Variants in TRIO observed in about 807,000 individuals in gnomAD.
TRIO encodes triple functional domain protein.
Under a neutral mutation model 351.9 loss-of-function variants are expected in TRIO, and 58 were observed. The ratio of observed to expected loss-of-function variants is 0.16; its 90% CI spans 0.13 to 0.21. TRIO has a LOEUF of 0.21. Among genes scored for constraint, TRIO ranks in the 10% least tolerant of loss-of-function variants. TRIO has a pLI of 1.00. For missense variants in TRIO, 3,201 were observed against 4,027.8 expected, an observed-to-expected ratio of 0.79 and a Z score of 5.56; for synonymous variants, 1,758 against 1,595.7, an observed-to-expected ratio of 1.10 and a Z score of -2.42.
At chr5:14,211,320 G>C (rs1376096947) in intron 1 of TRIO, among the ~76,000 whole-genome samples, 6 of 152,302 alleles carry the variant, frequency 3.9e-5, no homozygotes, top group Middle Eastern at 6.8e-3. Context: ...CTGGCAAAAT[G>C]CCTAATATGA....
chr5:14,338,949 G>C (rs1249619789), intron 11 of TRIO, among the ~76,000 whole-genome samples: 2 of 152,162 alleles, frequency 1.3e-5, no homozygotes, highest in Non-Finnish European at 1.5e-5. Context: ...TTATAGGACA[G>C]AAGACTCTTC....
At chr5:14,240,553 G>A (rs1191302994) in intron 1 of TRIO, among the ~76,000 whole-genome samples, 1 of 152,112 alleles carries the variant, frequency 6.6e-6, no homozygotes, top group Non-Finnish European at 1.5e-5. Flanking sequence ...AAACATATTT[G>A]GGATGAAATC....
intron 31 of TRIO, among the ~76,000 whole-genome samples, chr5:14,402,512 A>G (rs16899020): frequency 0.044 from 6,624 of 152,156 alleles, 479 homozygotes; most frequent in African/African-American, 0.15. Context: ...GATGGTGGGA[A>G]TGGTAGTGTA....
intron 4 of TRIO, among the ~76,000 whole-genome samples, chr5:14,290,401 C>G (rs1210390598): frequency 1.3e-5 from 2 of 152,164 alleles, no homozygotes; most frequent in East Asian, 3.8e-4. Context: ...TTTAATGTGT[C>G]TGTTATAGTG....
intron 34 of TRIO, among the ~76,000 whole-genome samples, chr5:14,451,336 A>T (rs1039376529): frequency 6.6e-6 from 1 of 152,224 alleles, no homozygotes; most frequent in Non-Finnish European, 1.5e-5. Context: ...TATTCAAAAA[A>T]AAAAAGGCCA....
Position 14,330,848 on chromosome 5 carries a change from A to T in TRIO, c.1802A>T (p.His601Leu). Residue 601 changes from histidine to leucine, a missense_variant, in exon 10 of 57, where the codon CAT becomes CTT. By Grantham distance (99) the His-to-Leu change is moderately conservative. This residue lies in a region of TRIO where 38 missense variants were observed against 93.4 expected (regional missense o/e 0.41). Transcript: ENST00000344204. ...CATACAGGTGTGGGGAAATCTCTTCATCGGGCCAGAGCATTGCAGAAACGT... is the reference window on the plus strand; with the variant it reads ...CATACAGGTGTGGGGAAATCTCTTCTTCGGGCCAGAGCATTGCAGAAACGT... ...SKHTGVGKSL[H>L]RARALQKRHE... The T allele has an allele frequency of 6.2e-7, 1 of 1,614,180 alleles. No homozygotes were observed. The highest frequency in any genetic ancestry group is 8.5e-7 in the Non-Finnish European group (1 of 1,180,000).
chr5:14,147,674 G>C (rs1297291266), intron 1 of TRIO, among the ~76,000 whole-genome samples: 11 of 152,142 alleles, frequency 7.2e-5, no homozygotes, highest in Non-Finnish European at 2.9e-5. Flanking sequence ...AGTCTATTAG[G>C]GAGAAGCACA....
At position 14,293,950 on chromosome 5, in the gene TRIO, T is replaced by A. The variant is rs1412850551; in HGVS notation, c.1176+816T>A. Among the ~76,000 whole-genome samples the A allele has an allele frequency of 4.6e-5, 7 of 152,158 alleles. No individual in the cohort carries two copies. In the East Asian group the frequency reaches 1.4e-3, roughly 29 times the overall value. On this transcript the variant is annotated intron_variant, in intron 6 of 56. Coordinates refer to ENST00000344204, the MANE Select transcript of TRIO (RefSeq NM_007118.4). ...TGTCCACTCTTAAACCTTGTAACGT[T>A]TGTTGTAGAGCATTAAAGCAATATG...
At chr5:14,488,459 T>C in intron 48 of TRIO, 199 bp downstream of exon 48, 1 of 725,452 alleles carries the variant, frequency 1.4e-6, no homozygotes. Context: ...GTTCGTGTCT[T>C]CTAATAAGAG....
At chr5:14,394,584 G>A (rs1267385898) in intron 28 of TRIO, among the ~76,000 whole-genome samples, 8 of 152,130 alleles carry the variant, frequency 5.3e-5, no homozygotes, top group Admixed American at 5.2e-4. Context: ...TCTGGCTGAT[G>A]CCCAGGGCTT....
At chr5:14,317,979 T>A (rs956754188) in intron 9 of TRIO, among the ~76,000 whole-genome samples, 1 of 151,720 alleles carries the variant, frequency 6.6e-6, no homozygotes, top group African/African-American at 2.4e-5. Flanking sequence ...ATACAAAAAT[T>A]AGCCAGGTGT....
chr5:14,144,583 CG>C (rs1360550202), intron 1 of TRIO, among the ~76,000 whole-genome samples: 2 of 151,788 alleles, frequency 1.3e-5, no homozygotes, highest in African/African-American at 2.4e-5. Context: ...AACGTGGCCC[CG>C]GGGGGGCGGC....
chr5:14,282,741 C>G lies in TRIO; in HGVS notation c.347+2305C>G, dbSNP rs545136432. On this transcript the variant is annotated intron_variant, in intron 3 of 56. Transcript: ENST00000344204. Reference sequence around the variant, plus strand: ...TTATAACAAATCCCAAAGATCACATCATGTCATTCAAAAATACTTGAGTGT... The same window carrying G: ...TTATAACAAATCCCAAAGATCACATGATGTCATTCAAAAATACTTGAGTGT... 6.0e-4 allele frequency among the ~76,000 whole-genome samples: 92 copies of G among 152,270 alleles called. No individual in the cohort carries two copies. In the South Asian group the frequency reaches 7.7e-3, roughly 13 times the overall value.
intron 11 of TRIO, among the ~76,000 whole-genome samples, chr5:14,349,098 CTG>C (rs1237420000): frequency 7.2e-6 from 1 of 137,990 alleles, no homozygotes. Context: ...TGTGTTTTTC[CTG>C]TGTGTATATG....
chr5:14,425,839 C>T (rs768374877), intron 34 of TRIO, among the ~76,000 whole-genome samples: 2 of 152,144 alleles, frequency 1.3e-5, no homozygotes, highest in Admixed American at 6.5e-5. Context: ...ACTCTGCCAG[C>T]GCCTGGATCT....
chr5:14,328,862 C>T (rs1740648292), intron 9 of TRIO, among the ~76,000 whole-genome samples: 1 of 152,124 alleles, frequency 6.6e-6, no homozygotes, highest in Non-Finnish European at 1.5e-5. Flanking sequence ...GCTCGGCCTC[C>T]ACCCCCACCC....
rs1368019621 is a variant in TRIO, at chr5:14,351,584, T to C, written c.2047-6594T>C. ...CCAAGTGCTTATAGAAGTTGAATAC[T>C]TCACACGTGGATTCTCACTCCGGCT... On this transcript the variant is annotated intron_variant, in intron 11 of 56. Coordinates refer to ENST00000344204, the MANE Select transcript of TRIO (RefSeq NM_007118.4). Among the ~76,000 whole-genome samples, 3 of 152,238 alleles carry C rather than the reference T, an allele frequency of 2.0e-5. No homozygotes were observed. The East Asian group carries it at 5.8e-4, about 29-fold the overall frequency.
At chr5:14,345,769 A>T (rs1210113013) in intron 11 of TRIO, among the ~76,000 whole-genome samples, 1 of 152,128 alleles carries the variant, frequency 6.6e-6, no homozygotes, top group East Asian at 1.9e-4. Context: ...CAGACTCCTG[A>T]CCTCAAGTGA....
At position 14,509,928 on chromosome 5, in the gene TRIO, G is replaced by T. The variant is rs925027271; in HGVS notation, c.*1506G>T. 1 of 152,256 alleles carries T rather than the reference G, an allele frequency of 6.6e-6. No individual in the cohort carries two copies. Among genetic ancestry groups the T allele is most frequent in the African/African-American group, 2.4e-5 (1 of 41,438 alleles). The allele number at this position is 152,256 out of a possible 1,614,324, so 9.4% of individuals were successfully genotyped here. On this transcript the variant is annotated 3_prime_UTR_variant, in exon 57 of 57. Transcript: ENST00000344204. ...GTAGTTAAGCTTTGCAGCTTCCAGTGTATTTTATTTATTCTTTTGTTGGGT... is the reference window on the plus strand; with the variant it reads ...GTAGTTAAGCTTTGCAGCTTCCAGTTTATTTTATTTATTCTTTTGTTGGGT...
Sources: gnomAD v4.1 joint callset for allele counts (sites outside exome capture counted in the v4.1 genomes callset) on GRCh38, gnomAD v4.1.1 for gene constraint, gnomAD v4.1.1 regional missense constraint, MANE v1.5 for transcripts, NCBI Gene and HGNC (gene_info 2026-07-23, HGNC 2026-07-21) for gene names.